Variants in PAPOLG observed in about 807,000 individuals in gnomAD.
PAPOLG encodes the protein PAP-gamma.
In PAPOLG, 40 loss-of-function variants were observed where a neutral mutation model predicts 99.0. That is an observed-to-expected ratio of 0.40 (90% CI 0.31 to 0.53). The LOEUF (loss-of-function observed/expected upper bound fraction) is 0.53. PAPOLG is among the 20% of genes least tolerant of loss of function. The pLI, the probability that PAPOLG is intolerant of heterozygous loss-of-function variation, is 0.41. For missense variants in PAPOLG, 675 were observed against 884.1 expected, an observed-to-expected ratio of 0.76 and a Z score of 3.00; for synonymous variants, 310 against 299.3, an observed-to-expected ratio of 1.04 and a Z score of -0.37.
At chr2:60,769,064 A>G (rs979027303) in intron 5 of PAPOLG, among the ~76,000 whole-genome samples, 174 bp downstream of exon 5, 1 of 152,222 alleles carries the variant, frequency 6.6e-6, no homozygotes, top group African/African-American at 2.4e-5. Flanking sequence ...CCTTAGAGTT[A>G]TACAGACTTG....
chr2:60,779,806 T>C (rs774728846), intron 9 of PAPOLG, 31 bp downstream of exon 9: 4 of 1,564,568 alleles, frequency 2.6e-6, no homozygotes, highest in East Asian at 4.5e-5. Flanking sequence ...TTTGACTGTT[T>C]ACTAATCTCT....
At chr2:60,775,007 GA>G (rs777877640) in intron 7 of PAPOLG, 26 bp from the exon 8 acceptor site, 6 of 1,611,334 alleles carry the variant, frequency 3.7e-6, no homozygotes, top group Non-Finnish European at 4.2e-6. Context: ...GCTGCATAGT[GA>G]AAAATGAATG....
chr2:60,794,600 A>G (rs1368293470), intron 19 of PAPOLG, 110 bp from the exon 20 acceptor site: 5 of 867,918 alleles, frequency 5.8e-6, no homozygotes, highest in East Asian at 2.6e-5. Context: ...ATCCATGTTT[A>G]TAGTAATTTT....
chr2:60,796,180 C>T (rs911451387), intron 21 of PAPOLG, among the ~76,000 whole-genome samples: 6 of 150,802 alleles, frequency 4.0e-5, no homozygotes, highest in Non-Finnish European at 7.4e-5. Context: ...GAAACTATCC[C>T]CATTACAGAA....
At position 60,794,697 on chromosome 2, in the gene PAPOLG, G is replaced by A. The variant is rs768158124; in HGVS notation, c.1990-13G>A. ...GTACATAATAGCAATCTATTTCAAT[G>A]TTTATATTTTAGTTTATTCGACTTG... On this transcript the variant is annotated splice_polypyrimidine_tract_variant and intron_variant, in intron 19 of 21. Coordinates refer to ENST00000238714, the MANE Select transcript of PAPOLG (RefSeq NM_022894.4). 6.9e-6 allele frequency: 11 copies of A among 1,605,522 alleles called. No homozygotes were observed. The highest frequency in any genetic ancestry group is 8.5e-6 in the Non-Finnish European group (10 of 1,172,774).
chr2:60,793,305 T>C (rs1022338002), intron 17 of PAPOLG, among the ~76,000 whole-genome samples: 1 of 149,656 alleles, frequency 6.7e-6, no homozygotes, highest in Non-Finnish European at 1.5e-5. Context: ...ATCTATAATT[T>C]CAGCACTTTG....
At chr2:60,783,090 G>A in intron 12 of PAPOLG, 66 bp from the exon 13 acceptor site, 2 of 1,388,638 alleles carry the variant, frequency 1.4e-6, no homozygotes, top group Non-Finnish European at 1.9e-6. Context: ...AAAAGGGGAT[G>A]ATTAAAAAGC....
In PAPOLG at chr2:60,798,017, C is replaced by G. The variant is rs981820000; in HGVS notation, c.*857C>G. 1 of 152,790 alleles carries G rather than the reference C, an allele frequency of 6.5e-6. No individual in the cohort carries two copies. Among genetic ancestry groups the G allele is most frequent in the African/African-American group, 2.4e-5 (1 of 41,470 alleles). The allele number at this position is 152,790 out of a possible 1,614,324, so 9.5% of individuals were successfully genotyped here. ...TGGTATTTTTTACTGAGGAGCAACT[C>G]ATTCCAGCATCAACAATAAGATAAC... is the stretch of plus-strand genomic sequence containing the variant. On this transcript the variant is annotated 3_prime_UTR_variant, in exon 22 of 22. Coordinates refer to ENST00000238714, the MANE Select transcript of PAPOLG (RefSeq NM_022894.4).
chr2:60,791,967 C>G (rs1187228876), intron 16 of PAPOLG, 85 bp downstream of exon 16: 1 of 1,501,938 alleles, frequency 6.7e-7, no homozygotes, highest in African/African-American at 1.4e-5. Flanking sequence ...GCTCCCAAAC[C>G]TATTGAGAAA....
At chr2:60,789,930 C>G (rs865969806) in intron 15 of PAPOLG, among the ~76,000 whole-genome samples, 1 of 152,102 alleles carries the variant, frequency 6.6e-6, no homozygotes, top group Admixed American at 6.6e-5. Flanking sequence ...CCCATCTCTA[C>G]TAAATATACA....
intron 1 of PAPOLG, among the ~76,000 whole-genome samples, chr2:60,759,097 G>A (rs770011469): frequency 6.6e-5 from 10 of 151,962 alleles, no homozygotes; most frequent in South Asian, 2.1e-4. Context: ...GGCTGAGCGC[G>A]GGGGCTCACG....
At chr2:60,794,626 A>C in intron 19 of PAPOLG, 84 bp from the exon 20 acceptor site, 1 of 1,144,702 alleles carries the variant, frequency 8.7e-7, no homozygotes, top group Non-Finnish European at 1.3e-6. Flanking sequence ...TAGTGTAACC[A>C]ATAACTAGTT....
intron 10 of PAPOLG, among the ~76,000 whole-genome samples, chr2:60,781,338 CGAGTT>C (rs546748959): frequency 2.2e-4 from 33 of 150,466 alleles, no homozygotes; most frequent in African/African-American, 6.9e-4. Context: ...GCCTGGGTGA[CGAGTT>C]GAGACTTCGT....
At position 60,775,289 on chromosome 2, in the gene PAPOLG, T is replaced by C. The variant is rs1216812508; in HGVS notation, c.694+166T>C. On this transcript the variant is annotated intron_variant, in intron 8 of 21. Coordinates refer to ENST00000238714, the MANE Select transcript of PAPOLG (RefSeq NM_022894.4). ...TTTCAAGTACAGTGGTTATGGTGTT[T>C]TGATAAGTAGTATACCTCTTCCTCC... 3.3e-5 allele frequency among the ~76,000 whole-genome samples: 5 copies of C among 152,248 alleles called. No homozygotes were observed. The East Asian group carries it at 9.6e-4, about 29-fold the overall frequency.
At chr2:60,783,316 T>TTA in intron 13 of PAPOLG, 107 bp downstream of exon 13, 6 of 471,304 alleles carry the variant, frequency 1.3e-5, no homozygotes, top group Non-Finnish European at 2.0e-5. Flanking sequence ...TTCAAAATTA[T>TTA]TATATCTCTT....
At position 60,756,305 on chromosome 2, in the gene PAPOLG, C is replaced by T. The variant is rs1670336168; in HGVS notation, c.-174C>T. 5 of 751,708 alleles carry T rather than the reference C, an allele frequency of 6.7e-6. No individual in the cohort carries two copies. Among genetic ancestry groups the T allele is most frequent in the Non-Finnish European group, 1.2e-5 (5 of 434,354 alleles). 46.6% of individuals were successfully genotyped at this position (751,708 alleles called of 1,614,324 possible). On this transcript the variant is annotated 5_prime_UTR_variant, in exon 1 of 22. Transcript: ENST00000238714. Reference sequence around the variant, plus strand: ...CGCGCTGTATTGTCATAAATAGAGCCGGTTTTGTGGTGTTTTCACTACTCG... The same window carrying T: ...CGCGCTGTATTGTCATAAATAGAGCTGGTTTTGTGGTGTTTTCACTACTCG...
At position 60,794,965 on chromosome 2, in the gene PAPOLG, A is replaced by G. The variant is rs573066384; in HGVS notation, c.2057A>G (p.Asp686Gly). 5.6e-6 allele frequency: 9 copies of G among 1,612,888 alleles called. No individual in the cohort carries two copies. The South Asian group carries it at 8.8e-5, about 16-fold the overall frequency. Reference protein sequence around the residue: ...TAEERKRKSVDAIGGESMPIP... With the variant: ...TAEERKRKSVGAIGGESMPIP... Reference sequence around the variant, plus strand: ...TTGTGTTGATTCTTCTGTTTTTAGGATGCCATTGGAGGAGAATCTATGCCT... The same window carrying G: ...TTGTGTTGATTCTTCTGTTTTTAGGGTGCCATTGGAGGAGAATCTATGCCT... Residue 686 changes from aspartate (D) to glycine (G), a missense_variant and splice_region_variant, in exon 21 of 22, where the codon GAT becomes GGT. By Grantham distance (94) the Asp-to-Gly change is moderately conservative (BLOSUM62 -1). This residue lies in a region of PAPOLG where 413 missense variants were observed against 460.5 expected (regional missense o/e 0.90). Transcript: ENST00000238714.
At position 60,760,374 on chromosome 2, in the gene PAPOLG, G is replaced by A. The variant is rs777877226; in HGVS notation, c.179+79G>A. ...TCTGCGAACATATTGAATACCTACT[G>A]TGTCTCTAGATACAGGTGCAGAAAT... is the stretch of plus-strand genomic sequence containing the variant. On this transcript the variant is annotated intron_variant, in intron 2 of 21. Transcript: ENST00000238714. 4.5e-4 allele frequency: 606 copies of A among 1,342,318 alleles called. 5 individuals carry two copies. Among genetic ancestry groups the A allele is most frequent in the South Asian group, 1.4e-3 (107 of 75,326 alleles). 83.2% of individuals were successfully genotyped at this position (1,342,318 alleles called of 1,614,324 possible). A position where few individuals can be genotyped will look rare whatever the true frequency, so the allele number is the denominator to read the frequency against.
At chr2:60,794,879 T>A in intron 20 of PAPOLG, 85 bp from the exon 21 acceptor site, 1 of 1,573,808 alleles carries the variant, frequency 6.4e-7, no homozygotes, top group Non-Finnish European at 8.7e-7. Flanking sequence ...ATTTTCAGGT[T>A]TTCGTTAGGT....
Sources: gnomAD v4.1 joint callset for allele counts (sites outside exome capture counted in the v4.1 genomes callset) on GRCh38, gnomAD v4.1.1 for gene constraint, gnomAD v4.1.1 regional missense constraint, MANE v1.5 for transcripts, NCBI Gene and HGNC (gene_info 2026-07-23, HGNC 2026-07-21) for gene names.